ZNF454: variants seen among roughly 807,000 people sequenced by gnomAD.
The protein encoded by ZNF454 is zinc finger protein 454.
ZNF454 carries 30 observed loss-of-function variants against 48.2 expected under a neutral mutation model. That is an observed-to-expected ratio of 0.62 (90% confidence interval 0.47 to 0.84). The LOEUF is 0.84. ZNF454 is among the 40% of genes least tolerant of loss of function. The probability of loss-of-function intolerance (pLI) is 0.00; values close to 1 mark genes in which losing one functional copy is unlikely to be tolerated. For missense variants in ZNF454, 510 were observed against 623.1 expected (o/e 0.82, Z 1.93); for synonymous variants, 204 against 211.4 (o/e 0.97, Z 0.30).
chr5:178,949,840 C>A (rs1759484818), intron 4 of ZNF454, among the ~76,000 whole-genome samples: 1 of 152,138 alleles, frequency 6.6e-6, no homozygotes, highest in Non-Finnish European at 1.5e-5. Flanking sequence ...TGGTCTTGAT[C>A]TCTTGACCTC....
At chr5:178,968,105 TCACACACACA>T (rs3031585), downstream of ZNF454, among the ~76,000 whole-genome samples, 96 of 145,084 alleles carry the variant, frequency 6.6e-4, 1 homozygote, top group South Asian at 9.0e-4. Context: ...CATCTGTGCA[TCACACACACA>T]CACACACACA....
chr5:178,952,085 G>T (rs990336858), intron 4 of ZNF454, among the ~76,000 whole-genome samples: 26 of 150,098 alleles, frequency 1.7e-4, no homozygotes, highest in African/African-American at 2.2e-4. Context: ...TCGCCCAGGC[G>T]GGAGTGCTGT....
At chr5:178,949,794 T>C (rs1425558275) in intron 4 of ZNF454, among the ~76,000 whole-genome samples, 1 of 152,044 alleles carries the variant, frequency 6.6e-6, no homozygotes, top group Admixed American at 6.5e-5. Flanking sequence ...TTTTTGTATT[T>C]TTAGTAGAGA....
At chr5:178,968,252 G>C (rs912107654), downstream of ZNF454, among the ~76,000 whole-genome samples, 1 of 152,048 alleles carries the variant, frequency 6.6e-6, no homozygotes, top group African/African-American at 2.4e-5. Context: ...AATTTTTCTG[G>C]AAAGTGAAGT....
intron 4 of ZNF454, among the ~76,000 whole-genome samples, chr5:178,960,517 G>A (rs536565082): frequency 6.6e-6 from 1 of 151,554 alleles, no homozygotes; most frequent in African/African-American, 2.4e-5. Flanking sequence ...GCCTCCCAAA[G>A]TTCTGGGATT....
chr5:178,969,054 G>A, downstream of ZNF454: 1 of 365,218 alleles, frequency 2.7e-6, no homozygotes, highest in South Asian at 2.0e-5. Flanking sequence ...GTACGTCACT[G>A]GCCTATTAGA....
At chr5:178,989,211 A>AACCCCCCC in the ZNF454 span, 1 of 121,712 alleles carries the variant, frequency 8.2e-6, no homozygotes, top group Non-Finnish European at 1.3e-5. Context: ...CCCCCTCCCC[A>AACCCCCCC]CCCTCACCAC....
the ZNF454 span, among the ~76,000 whole-genome samples, chr5:178,984,922 T>TC: frequency 6.6e-6 from 1 of 152,002 alleles, no homozygotes; most frequent in Non-Finnish European, 1.5e-5. Context: ...CAGGTCACCC[T>TC]CCCCAAGCCA....
At chr5:178,963,814 T>A (rs1760065784) in intron 4 of ZNF454, among the ~76,000 whole-genome samples, 1 of 151,780 alleles carries the variant, frequency 6.6e-6, no homozygotes, top group African/African-American at 2.4e-5. Flanking sequence ...ACACAGCCTG[T>A]ACAGCGGCCT....
At chr5:178,974,687 C>G in the ZNF454 span, among the ~76,000 whole-genome samples, 2 of 152,160 alleles carry the variant, frequency 1.3e-5, no homozygotes, top group Non-Finnish European at 2.9e-5. Context: ...ATGAGCCAGG[C>G]ACTGTGCATT....
At chr5:178,983,227 G>A in the ZNF454 span, 1 of 1,609,634 alleles carries the variant, frequency 6.2e-7, no homozygotes, top group Non-Finnish European at 8.5e-7. Flanking sequence ...ACCACCTGCA[G>A]GAGCCAACAC....
At chr5:178,957,987 A>C (rs1759847017) in intron 4 of ZNF454, among the ~76,000 whole-genome samples, 1 of 152,236 alleles carries the variant, frequency 6.6e-6, no homozygotes, top group South Asian at 2.1e-4. Context: ...CACAATCAAT[A>C]AAAGGTTTTA....
At chr5:178,986,565 C>T in the ZNF454 span, 3 of 1,607,658 alleles carry the variant, frequency 1.9e-6, no homozygotes, top group East Asian at 6.7e-5. Flanking sequence ...TGGGCGTGGG[C>T]CTCATGTCCC....
chr5:178,943,764 G>A (rs527727862), intron 2 of ZNF454, among the ~76,000 whole-genome samples: 3 of 152,310 alleles, frequency 2.0e-5, no homozygotes, highest in African/African-American at 4.8e-5. Flanking sequence ...GGTGGCTCAC[G>A]CCTGTAATCC....
At chr5:178,971,984 A>G in the ZNF454 span, among the ~76,000 whole-genome samples, 1 of 152,170 alleles carries the variant, frequency 6.6e-6, no homozygotes, top group Non-Finnish European at 1.5e-5. Context: ...CCCAGTCTGG[A>G]GCACAATGGT....
chr5:178,974,702 C>G, the ZNF454 span, among the ~76,000 whole-genome samples: 33,952 of 152,090 alleles, frequency 0.22, 4,258 homozygotes, highest in Non-Finnish European at 0.28. Context: ...TGCATTGTTC[C>G]TACATTATGC....
chr5:178,964,063 A>G (rs1760071200), intron 4 of ZNF454, among the ~76,000 whole-genome samples: 1 of 150,916 alleles, frequency 6.6e-6, no homozygotes, highest in African/African-American at 2.4e-5. Flanking sequence ...AGAAAATCAG[A>G]TAACTTCTCT....
the ZNF454 span, among the ~76,000 whole-genome samples, chr5:178,973,842 CAAAA>C: frequency 2.0e-5 from 2 of 101,910 alleles, no homozygotes; most frequent in Non-Finnish European, 2.0e-5. Flanking sequence ...GACTTCATCT[CAAAA>C]AAAAAAAAAA....
downstream of ZNF454, chr5:178,969,269 T>C: frequency 5.5e-6 from 2 of 365,986 alleles, no homozygotes; most frequent in Non-Finnish European, 1.1e-5. Flanking sequence ...GCTCAACCCC[T>C]AAAAGTACAT....
Sources: allele counts gnomAD v4.1 joint callset (sites outside exome capture counted in the v4.1 genomes callset), GRCh38; gene constraint gnomAD v4.1.1; transcripts MANE v1.5; gene names NCBI Gene and HGNC (gene_info 2026-07-23, HGNC 2026-07-21).